Variants in CENPC observed in about 807,000 individuals in gnomAD.
CENPC encodes the protein centromere protein C, also known as CENP-C 1.
CENPC carries 63 observed loss-of-function variants against 112.1 expected under a neutral mutation model. That is an observed-to-expected ratio of 0.56 (90% CI 0.46 to 0.69). The LOEUF is 0.69. Among genes scored for constraint, CENPC ranks in the 30% least tolerant of loss-of-function variants. The pLI is 0.00. For synonymous variants in CENPC, 333 were observed against 367.6 expected (o/e 0.91, Z 1.08); for missense variants, 1,000 against 1,103.8 (o/e 0.91, Z 1.33).
At chr4:67,527,257 G>A (rs1264380376) in intron 5 of CENPC, among the ~76,000 whole-genome samples, 1 of 151,986 alleles carries the variant, frequency 6.6e-6, no homozygotes. Context: ...AAATCAATAT[G>A]TATAAGCCAC....
chr4:67,482,599 A>G (rs1724985122), intron 17 of CENPC, among the ~76,000 whole-genome samples: 1 of 152,234 alleles, frequency 6.6e-6, no homozygotes. Flanking sequence ...TATTTGCAGC[A>G]ACCTGCATGG....
At chr4:67,525,189 A>G (rs1216135650) in intron 5 of CENPC, among the ~76,000 whole-genome samples, 2 of 152,228 alleles carry the variant, frequency 1.3e-5, no homozygotes, top group Non-Finnish European at 2.9e-5. Context: ...AGATGCATTA[A>G]AGACTTAAAT....
At chr4:67,511,241 C>CAA (rs2109800811) in intron 9 of CENPC, among the ~76,000 whole-genome samples, 1 of 152,218 alleles carries the variant, frequency 6.6e-6, no homozygotes, top group East Asian at 1.9e-4. Flanking sequence ...AAGGCTGCAA[C>CAA]AAAATAAATA....
chr4:67,533,195 C>T (rs977371386), intron 4 of CENPC, among the ~76,000 whole-genome samples: 7 of 152,322 alleles, frequency 4.6e-5, no homozygotes, highest in Admixed American at 1.3e-4. Context: ...CAGTCTTTCC[C>T]ATGCTATTCT....
Position 67,537,325 on chromosome 4 carries a change from C to T in CENPC, c.231+2515G>A, listed in dbSNP as rs1050471937. 2.8e-4 allele frequency among the ~76,000 whole-genome samples: 42 copies of T among 152,056 alleles called. 1 individual carries two copies. Among genetic ancestry groups the T allele is most frequent in the African/African-American group, 7.7e-4 (32 of 41,390 alleles). On this transcript the variant is annotated intron_variant, in intron 4 of 18. Transcript: ENST00000273853. ...TTGTAAAAATTCAATGAAATATACA[C>T]GCAATTTGTGTATTTTAATGTATTA... is the stretch of plus-strand genomic sequence containing the variant.
chr4:67,539,293 T>A (rs1239057880), intron 4 of CENPC, among the ~76,000 whole-genome samples: 1 of 152,212 alleles, frequency 6.6e-6, no homozygotes, highest in Admixed American at 6.5e-5. Flanking sequence ...CTTTTACAGT[T>A]TTCTAGTAAG....
At chr4:67,527,670 T>G (rs1726424506) in intron 5 of CENPC, among the ~76,000 whole-genome samples, 1 of 151,812 alleles carries the variant, frequency 6.6e-6, no homozygotes, top group Non-Finnish European at 1.5e-5. Flanking sequence ...AAGCTAAATT[T>G]TTGTGTTTTT....
At chr4:67,538,881 TTTA>T (rs1042669636) in intron 4 of CENPC, among the ~76,000 whole-genome samples, 1 of 152,204 alleles carries the variant, frequency 6.6e-6, no homozygotes, top group African/African-American at 2.4e-5. Flanking sequence ...TTTGCTAGTC[TTTA>T]TTGTTTCCAC....
chr4:67,511,643 A>G (rs1725894536), intron 9 of CENPC, among the ~76,000 whole-genome samples: 1 of 152,186 alleles, frequency 6.6e-6, no homozygotes, highest in African/African-American at 2.4e-5. Flanking sequence ...GTTTAGGCAA[A>G]TATTGCCTTC....
intron 4 of CENPC, among the ~76,000 whole-genome samples, chr4:67,534,111 T>A (rs1306621010): frequency 6.6e-6 from 1 of 150,822 alleles, no homozygotes; most frequent in Non-Finnish European, 1.5e-5. Context: ...GAAAAAAAAT[T>A]GTGTATAGCA....
chr4:67,544,088 T>C (rs751468273), intron 2 of CENPC, 61 bp downstream of exon 2: 11 of 864,124 alleles, frequency 1.3e-5, no homozygotes, highest in African/African-American at 3.4e-5. Context: ...CCTTTCTTCA[T>C]TTAAAAATCT....
intron 12 of CENPC, among the ~76,000 whole-genome samples, chr4:67,499,834 A>G (rs1161449441): frequency 6.6e-6 from 1 of 152,152 alleles, no homozygotes; most frequent in African/African-American, 2.4e-5. Flanking sequence ...TTTGATTTAA[A>G]GTGAAAAATG....
At chr4:67,537,935 G>A (rs1726775895) in intron 4 of CENPC, among the ~76,000 whole-genome samples, 1 of 152,116 alleles carries the variant, frequency 6.6e-6, no homozygotes, top group African/African-American at 2.4e-5. Flanking sequence ...AGAGAGCTGT[G>A]ATCATGTCAT....
chr4:67,516,374 G>A (rs1726057151), intron 7 of CENPC, among the ~76,000 whole-genome samples: 1 of 151,914 alleles, frequency 6.6e-6, no homozygotes, highest in South Asian at 2.1e-4. Context: ...GCTGGCATAC[G>A]CACTCGTTTC....
At chr4:67,544,300 TCTC>T (rs1726967937) in intron 1 of CENPC, 105 bp from the exon 2 acceptor site, 1 of 650,292 alleles carries the variant, frequency 1.5e-6, no homozygotes, top group Non-Finnish European at 2.8e-6. Flanking sequence ...ACACCAAACA[TCTC>T]CTAAGGGCTC....
rs722063 is a variant in CENPC at position 67,513,537 on chromosome 4, G to T, written c.1444+537C>A. Among the ~76,000 whole-genome samples, 1,074 of 152,104 alleles carry T rather than the reference G, an allele frequency of 7.1e-3. 8 individuals are homozygous for T. The highest frequency in any genetic ancestry group is 0.05 in the East Asian group (257 of 5,168). ...GAAATTATGGATAAATCAAAATTTTGTATCCTTCCTTTTAATCCTATGCAT... is the reference window on the plus strand; with the variant it reads ...GAAATTATGGATAAATCAAAATTTTTTATCCTTCCTTTTAATCCTATGCAT... On this transcript the variant is annotated intron_variant, in intron 8 of 18. Transcript: ENST00000273853.
At chr4:67,495,068 C>G (rs1198441318) in intron 13 of CENPC, 91 bp downstream of exon 13, 13 of 1,203,486 alleles carry the variant, frequency 1.1e-5, no homozygotes, top group Non-Finnish European at 1.4e-5. Context: ...AATCGTATTT[C>G]TCCTGCTTAA....
chr4:67,519,261 A>G lies in CENPC; in HGVS notation c.573T>C (p.Asn191=), dbSNP rs190926374. The G allele has an allele frequency of 2.3e-4, 370 of 1,604,410 alleles. No homozygotes were observed. In the African/African-American group the frequency reaches 3.4e-3, roughly 15 times the overall value. ...RETYTFENSV[N]MLPSSTEVSV... is the part of the protein sequence containing the mutation. ...AAACCTCTGTACTTGAAGGCAGCATATTTACTGAATTTTCAAAAGTGTAAG... is the reference window on the plus strand; with the variant it reads ...AAACCTCTGTACTTGAAGGCAGCATGTTTACTGAATTTTCAAAAGTGTAAG... Residue 191 remains asparagine, a synonymous_variant, in exon 6 of 19, where the codon AAT becomes AAC. Coordinates refer to ENST00000273853, the MANE Select transcript of CENPC (RefSeq NM_001812.4).
At position 67,469,228 on chromosome 4, in the gene CENPC, G is replaced by A. The variant is rs1724587931; in HGVS notation, c.*3377C>T. On this transcript the variant is annotated 3_prime_UTR_variant, in exon 19 of 19. Coordinates refer to ENST00000273853, the MANE Select transcript of CENPC (RefSeq NM_001812.4). Reference sequence around the variant, plus strand: ...AAAAATCATTAAAAAAACTCTCATGGGTGATGCCCACGATGGATTAATGGG... The same window carrying A: ...AAAAATCATTAAAAAAACTCTCATGAGTGATGCCCACGATGGATTAATGGG... 2 of 152,044 alleles carry A rather than the reference G, an allele frequency of 1.3e-5. No homozygotes were observed. Among genetic ancestry groups the A allele is most frequent in the African/African-American group, 4.8e-5 (2 of 41,382 alleles). The allele number at this position is 152,044 out of a possible 1,614,324, so 9.4% of individuals were successfully genotyped here. A position where few individuals can be genotyped will look rare whatever the true frequency, so the allele number is the denominator to read the frequency against.
Sources: gnomAD v4.1 joint callset for allele counts (sites outside exome capture counted in the v4.1 genomes callset) on GRCh38, gnomAD v4.1.1 for gene constraint, MANE v1.5 for transcripts, NCBI Gene and HGNC (gene_info 2026-07-23, HGNC 2026-07-21) for gene names.